Variants in CANT1 observed in about 807,000 individuals in gnomAD.
CANT1 encodes the protein calcium activated nucleotidase 1, also known as soluble calcium-activated nucleotidase 1.
A neutral mutation model predicts 30.0 loss-of-function variants in CANT1; 26 were observed. The observed-to-expected ratio is 0.87, with a 90% confidence interval of 0.64 to 1.20. The LOEUF (loss-of-function observed/expected upper bound fraction) is 1.20, where lower values mean the gene tolerates loss of function less well. CANT1 is among the 50% of genes most tolerant of loss of function. The pLI, the probability that CANT1 is intolerant of heterozygous loss-of-function variation, is 0.00. For synonymous variants in CANT1, 246 were observed against 251.8 expected (o/e 0.98, Z 0.22); for missense variants, 518 against 563.0 (o/e 0.92, Z 0.81).
In CANT1 at chr17:78,998,759, C is replaced by T. The variant is rs1041475973; in HGVS notation, c.-146-796G>A. 2.6e-5 allele frequency among the ~76,000 whole-genome samples: 4 copies of T among 152,266 alleles called. No homozygotes were observed. Among genetic ancestry groups the T allele is most frequent in the Admixed American group, 6.5e-5 (1 of 15,288 alleles). On this transcript the variant is annotated intron_variant, in intron 1 of 4. Coordinates refer to ENST00000392446, the MANE Select transcript of CANT1 (RefSeq NM_001159773.2). This position sits in a 1 kb window ranked among gnomAD's most constrained non-coding sequence, Gnocchi z 4.5. Reference sequence around the variant, plus strand: ...GGGCGTGGGGAGACAGCTCCCGGTGCTTCGATCGAGAACACTGGCCCTGGG... The same window carrying T: ...GGGCGTGGGGAGACAGCTCCCGGTGTTTCGATCGAGAACACTGGCCCTGGG...
At chr17:79,001,919 C>T (rs2071277220) in intron 1 of CANT1, among the ~76,000 whole-genome samples, 1 of 152,078 alleles carries the variant, frequency 6.6e-6, no homozygotes, top group South Asian at 2.1e-4. Flanking sequence ...CTGGCAGTGC[C>T]GGCCCTCAGG....
Position 78,993,218 on chromosome 17 carries a change from C to T in CANT1, c.*332G>A. ...TAGGGCCTGACATATGGTAGGAGCTCTAGGGATATTCACTGAACAAAAGAA... is the reference window on the plus strand; with the variant it reads ...TAGGGCCTGACATATGGTAGGAGCTTTAGGGATATTCACTGAACAAAAGAA... On this transcript the variant is annotated 3_prime_UTR_variant, in exon 5 of 5. Coordinates refer to ENST00000392446, the MANE Select transcript of CANT1 (RefSeq NM_001159773.2). The surrounding 1 kb of genome is among the most constrained non-coding windows in gnomAD (Gnocchi z 4.5). 1 of 440,580 alleles carries T rather than the reference C, an allele frequency of 2.3e-6. No individual in the cohort carries two copies. The highest frequency in any genetic ancestry group is 4.0e-5 in the East Asian group (1 of 24,952). 27.3% of individuals were successfully genotyped at this position (440,580 alleles called of 1,614,324 possible). A position where few individuals can be genotyped will look rare whatever the true frequency, so the allele number is the denominator to read the frequency against.
In CANT1 at chr17:78,994,245, T is replaced by C. The variant is rs565983052; in HGVS notation, c.836-325A>G. On this transcript the variant is annotated intron_variant, in intron 4 of 4. Coordinates refer to ENST00000392446, the MANE Select transcript of CANT1 (RefSeq NM_001159773.2). ...CCCAAGGAAAGGGAACAAACCCCCA[T>C]TGGATGTGGGGAGGCATCGGCGGGG... Among the ~76,000 whole-genome samples the C allele has an allele frequency of 2.8e-3, 422 of 151,930 alleles. 1 individual carries two copies. Among genetic ancestry groups the C allele is most frequent in the Non-Finnish European group, 5.2e-3 (350 of 67,960 alleles).
In CANT1 at chr17:78,993,025, G is replaced by C. The variant is rs2070890562; in HGVS notation, c.*525C>G. On this transcript the variant is annotated 3_prime_UTR_variant, in exon 5 of 5. Coordinates refer to ENST00000392446, the MANE Select transcript of CANT1 (RefSeq NM_001159773.2). The surrounding 1 kb of genome is among the most constrained non-coding windows in gnomAD (Gnocchi z 4.5). ...TGGGCAGATGTGTCCCCAGGGGCCT[G>C]CCCTCACTCGTGACCATGCAATACC... The C allele has an allele frequency of 3.1e-6, 1 of 322,468 alleles. No homozygotes were observed. The highest frequency in any genetic ancestry group is 5.9e-6 in the Non-Finnish European group (1 of 170,544). 20.0% of individuals were successfully genotyped at this position (322,468 alleles called of 1,614,324 possible).
At position 78,998,431 on chromosome 17, in the gene CANT1, T is replaced by G. The variant is rs981362404; in HGVS notation, c.-146-468A>C. On this transcript the variant is annotated intron_variant, in intron 1 of 4. Coordinates refer to ENST00000392446, the MANE Select transcript of CANT1 (RefSeq NM_001159773.2). The surrounding 1 kb of genome is among the most constrained non-coding windows in gnomAD (Gnocchi z 4.5). The stretch of plus-strand genomic sequence containing the variant: ...GCAGGGACCAGAGTCTGCGCTGCCC[T>G]GACTGCCTGGAGGCCAGCGTGTCTG... The G allele has an allele frequency of 1.8e-4, 28 of 152,210 alleles. No homozygotes were observed. The highest frequency in any genetic ancestry group is 6.5e-4 in the African/African-American group (27 of 41,474). The allele number at this position is 152,210 out of a possible 1,614,324, so 9.4% of individuals were successfully genotyped here.
chr17:78,995,289 C>G lies in CANT1; in HGVS notation c.632-68G>C. 1 of 1,516,616 alleles carries G rather than the reference C, an allele frequency of 6.6e-7. No individual in the cohort carries two copies. Among genetic ancestry groups the G allele is most frequent in the Non-Finnish European group, 9.0e-7 (1 of 1,112,094 alleles). The allele number at this position is 1,516,616 out of a possible 1,614,324, so 93.9% of individuals were successfully genotyped here. A position where few individuals can be genotyped will look rare whatever the true frequency, so the allele number is the denominator to read the frequency against. The stretch of plus-strand genomic sequence containing the variant: ...CCGCACCCCTGCACCTGGCTCCCAC[C>G]CGGCCCCGCACCTGTCCTTAGACCC... On this transcript the variant is annotated intron_variant, in intron 3 of 4. Coordinates refer to ENST00000392446, the MANE Select transcript of CANT1 (RefSeq NM_001159773.2). This position sits in a 1 kb window ranked among gnomAD's most constrained non-coding sequence, Gnocchi z 5.7.
Position 78,992,117 on chromosome 17 carries a change from C to T in CANT1, c.*1433G>A, listed in dbSNP as rs2070859520. The T allele has an allele frequency of 4.3e-6, 1 of 232,426 alleles. No homozygotes were observed. The highest frequency in any genetic ancestry group is 8.5e-6 in the Non-Finnish European group (1 of 117,526). The allele number at this position is 232,426 out of a possible 1,614,324, so 14.4% of individuals were successfully genotyped here. A position where few individuals can be genotyped will look rare whatever the true frequency, so the allele number is the denominator to read the frequency against. ...TCAGAAATGCGTCACATTCAGCGTT[C>T]ACTTCCTTCGCTTCCTCCACTACCT... On this transcript the variant is annotated 3_prime_UTR_variant, in exon 5 of 5. Coordinates refer to ENST00000392446, the MANE Select transcript of CANT1 (RefSeq NM_001159773.2).
chr17:78,999,722 C>T (rs939415249), intron 1 of CANT1, among the ~76,000 whole-genome samples: 3 of 143,112 alleles, frequency 2.1e-5, no homozygotes, highest in Admixed American at 1.5e-4. Flanking sequence ...GGCACGATCT[C>T]GGCTCACTGC....
intron 4 of CANT1, 104 bp downstream of exon 4, chr17:78,994,914 T>G (rs946346628): frequency 1.7e-6 from 2 of 1,186,656 alleles, no homozygotes; most frequent in African/African-American, 3.0e-5. Flanking sequence ...AGCAAGACTA[T>G]GTCTAAAATA....
At chr17:78,994,993 G>C in intron 4 of CANT1, 25 bp downstream of exon 4, 1 of 1,548,900 alleles carries the variant, frequency 6.5e-7, no homozygotes, top group Non-Finnish European at 8.7e-7. Flanking sequence ...AAGCCACACT[G>C]TGGGCTGGGG....
chr17:78,993,351 G>A lies in CANT1; in HGVS notation c.*199C>T, dbSNP rs369845406. Reference sequence around the variant, plus strand: ...CGAAATCACCACCAGATGGCAGCATGGAAAGCAGTTCAGACCGCGGCCTCC... The same window carrying A: ...CGAAATCACCACCAGATGGCAGCATAGAAAGCAGTTCAGACCGCGGCCTCC... On this transcript the variant is annotated 3_prime_UTR_variant, in exon 5 of 5. Transcript: ENST00000392446. This position sits in a 1 kb window ranked among gnomAD's most constrained non-coding sequence, Gnocchi z 4.5. 3.0e-6 allele frequency: 2 copies of A among 667,076 alleles called. No individual in the cohort carries two copies. Among genetic ancestry groups the A allele is most frequent in the East Asian group, 5.6e-5 (2 of 35,846 alleles). The allele number at this position is 667,076 out of a possible 1,614,324, so 41.3% of individuals were successfully genotyped here.
chr17:79,000,499 CCCA>C (rs920128482), intron 1 of CANT1, among the ~76,000 whole-genome samples: 1 of 151,662 alleles, frequency 6.6e-6, no homozygotes, highest in African/African-American at 2.4e-5. Flanking sequence ...CCAGCTGCCC[CCCA>C]CCAACATCCC....
In CANT1 at chr17:78,997,271, T is replaced by G; in HGVS notation, c.352A>C (p.Arg118=). Residue 118 remains arginine, a synonymous_variant, in exon 3 of 5, where the codon AGG becomes CGG. Coordinates refer to ENST00000392446, the MANE Select transcript of CANT1 (RefSeq NM_001159773.2). The surrounding 1 kb of genome is among the most constrained non-coding windows in gnomAD (Gnocchi z 7.5). ...AVIADLDTES[R]AQEENTWFSY... ...AACCAGGTGTTTTCCTCTTGGGCCC[T>G]TGACTCTGTGTCCAGGTCTGCGATA... 6.2e-7 allele frequency: 1 copy of G among 1,614,210 alleles called. No individual in the cohort carries two copies. Among genetic ancestry groups the G allele is most frequent in the Non-Finnish European group, 8.5e-7 (1 of 1,180,042 alleles).
chr17:78,995,113 C>T lies in CANT1; in HGVS notation c.740G>A (p.Trp247Ter). 1 of 1,613,308 alleles carries T rather than the reference C, an allele frequency of 6.2e-7. No individual in the cohort carries two copies. The highest frequency in any genetic ancestry group is 8.5e-7 in the Non-Finnish European group (1 of 1,179,754). The change falls in exon 4 of 5, where the codon TGG becomes TAG. Residue 247 changes from tryptophan (W) to a stop codon, truncating the protein, a stop_gained. Transcript: ENST00000392446. LOFTEE classifies it high-confidence loss of function. The surrounding 1 kb of genome is among the most constrained non-coding windows in gnomAD (Gnocchi z 5.7). ...TGDVVNENPE[W>*]VKVVGYKGSV... The stretch of plus-strand genomic sequence containing the variant: ...GCCCTTGTAGCCCACCACCTTCACC[C>T]ACTCCGGGTTCTCGTTCACCACATC...
rs776930428 is a variant in CANT1, at chr17:79,002,877, C to T, written c.-146-4914G>A. Among the ~76,000 whole-genome samples, 19 of 152,252 alleles carry T rather than the reference C, an allele frequency of 1.2e-4. No individual in the cohort carries two copies. The highest frequency in any genetic ancestry group is 1.9e-4 in the Non-Finnish European group (13 of 68,046). ...CCCAGGAGCAGGACCTCTCCCAGGTCGCTGTGCAACACTGCACGCCTTCCT... is the reference window on the plus strand; with the variant it reads ...CCCAGGAGCAGGACCTCTCCCAGGTTGCTGTGCAACACTGCACGCCTTCCT... On this transcript the variant is annotated intron_variant, in intron 1 of 4. Coordinates refer to ENST00000392446, the MANE Select transcript of CANT1 (RefSeq NM_001159773.2). The surrounding 1 kb of genome is among the most constrained non-coding windows in gnomAD (Gnocchi z 4.0).
chr17:78,999,470 G>A (rs1182940360), intron 1 of CANT1, among the ~76,000 whole-genome samples: 2 of 152,086 alleles, frequency 1.3e-5, no homozygotes, highest in Non-Finnish European at 2.9e-5. Context: ...TACCTGCTAT[G>A]CCAATCCCGC....
rs2071635580 is a variant in CANT1 at position 79,008,687 on chromosome 17, TACACAGAGGGCAAGGGAAAG to T, written c.-147+957_-147+976del. Among the ~76,000 whole-genome samples, 1 of 151,858 alleles carries T rather than the reference TACACAGAGGGCAAGGGAAAG, an allele frequency of 6.6e-6. No homozygotes were observed. The highest frequency in any genetic ancestry group is 1.5e-5 in the Non-Finnish European group (1 of 67,982). On this transcript the variant is annotated intron_variant, in intron 1 of 4. Coordinates refer to ENST00000392446, the MANE Select transcript of CANT1 (RefSeq NM_001159773.2). This position sits in a 1 kb window ranked among gnomAD's most constrained non-coding sequence, Gnocchi z 4.4. ...CAGGTGCTCTGTGCCAAGCCTAGGG[TACACAGAGGGCAAGGGAAAG>T]ACCATTCGGAGGGAGAAGCAAAGGC...
At chr17:78,994,596 C>T (rs1162783363) in intron 4 of CANT1, among the ~76,000 whole-genome samples, 3 of 152,150 alleles carry the variant, frequency 2.0e-5, no homozygotes, top group East Asian at 1.9e-4. Flanking sequence ...TCAGAGGCAA[C>T]CAAAATCACT....
Position 78,995,265 on chromosome 17 carries a change from C to T in CANT1, c.632-44G>A, listed in dbSNP as rs781465483. ...CTTAGGCCCCGCACCCAGCTCCCGC[C>T]GCACCCCTGCACCTGGCTCCCACCC... On this transcript the variant is annotated intron_variant, in intron 3 of 4. Coordinates refer to ENST00000392446, the MANE Select transcript of CANT1 (RefSeq NM_001159773.2). This position sits in a 1 kb window ranked among gnomAD's most constrained non-coding sequence, Gnocchi z 5.7. 19 of 1,589,974 alleles carry T rather than the reference C, an allele frequency of 1.2e-5. No individual in the cohort carries two copies. Among genetic ancestry groups the T allele is most frequent in the East Asian group, 4.5e-5 (2 of 44,568 alleles).
Sources: gnomAD v4.1 joint callset for allele counts (sites outside exome capture counted in the v4.1 genomes callset) on GRCh38, gnomAD v4.1.1 for gene constraint, Gnocchi (gnomAD v3.1) non-coding constraint, MANE v1.5 for transcripts, NCBI Gene and HGNC (gene_info 2026-07-23, HGNC 2026-07-21) for gene names.